Variants in CDC14A observed in about 807,000 individuals in gnomAD.
The protein encoded by CDC14A is cell division cycle 14A, also known as dual specificity protein phosphatase CDC14A.
A neutral mutation model predicts 74.4 loss-of-function variants in CDC14A; 53 were observed. The observed-to-expected ratio is 0.71, with a 90% CI of 0.57 to 0.89. The LOEUF (loss-of-function observed/expected upper bound fraction) is 0.89. Among genes scored for constraint, CDC14A ranks in the 40% least tolerant of loss-of-function variants. CDC14A has a pLI of 0.00. For synonymous variants in CDC14A, 247 were observed against 258.4 expected, an observed-to-expected ratio of 0.96 and a Z score of 0.43; for missense variants, 646 against 713.7, an observed-to-expected ratio of 0.91 and a Z score of 1.08.
rs61811407 is a variant in CDC14A, at chr1:100,492,881, G to T, written c.1138-1937G>T. Among the ~76,000 whole-genome samples the T allele has an allele frequency of 9.8e-4, 148 of 150,408 alleles. 1 individual carries two copies. Among genetic ancestry groups the T allele is most frequent in the Non-Finnish European group, 1.3e-3 (90 of 67,476 alleles). ...GTGTGTGTATGTGTGTGTGTGTGTG[G>T]GTATGTGTGTGTGTGTGAAGTCCTA... is the stretch of plus-strand genomic sequence containing the variant. On this transcript the variant is annotated intron_variant, in intron 11 of 15. Coordinates refer to ENST00000336454, the MANE Select transcript of CDC14A (RefSeq NM_003672.4).
chr1:100,490,120 G>A (rs140272081), intron 11 of CDC14A, among the ~76,000 whole-genome samples: 16 of 152,260 alleles, frequency 1.1e-4, no homozygotes, highest in African/African-American at 3.6e-4. Flanking sequence ...ATCTGCATTT[G>A]CTAATAAACA....
intron 7 of CDC14A, among the ~76,000 whole-genome samples, chr1:100,454,386 G>A (rs1666463990): frequency 2.0e-5 from 3 of 152,068 alleles, no homozygotes; most frequent in African/African-American, 7.2e-5. Context: ...TGGTGGTAAA[G>A]ACAGCGTAAG....
upstream of CDC14A, chr1:100,351,656 C>A: frequency 1.6e-6 from 2 of 1,258,558 alleles, no homozygotes; most frequent in South Asian, 2.7e-5. Flanking sequence ...GCTCAGCGGT[C>A]TCGCCCCGCC....
Position 100,391,091 on chromosome 1 carries a change from A to T in CDC14A, c.309+267A>T, listed in dbSNP as rs28361214. 17,048 of 438,764 alleles carry T rather than the reference A, an allele frequency of 0.039. 700 individuals are homozygous for T. Among genetic ancestry groups the T allele is most frequent in the African/African-American group, 0.13 (6,202 of 49,604 alleles). 27.2% of individuals were successfully genotyped at this position (438,764 alleles called of 1,614,324 possible). A position where few individuals can be genotyped will look rare whatever the true frequency, so the allele number is the denominator to read the frequency against. On this transcript the variant is annotated intron_variant, in intron 4 of 15. Coordinates refer to ENST00000336454, the MANE Select transcript of CDC14A (RefSeq NM_003672.4). ...GTTATATAGGTATTTTAATAAAAAGAATACCTACCAAGGACATTTCTAGGA... is the reference window on the plus strand; with the variant it reads ...GTTATATAGGTATTTTAATAAAAAGTATACCTACCAAGGACATTTCTAGGA...
At chr1:100,498,886 T>C (rs1481541230) in intron 14 of CDC14A, 43 bp from the exon 15 acceptor site, 11 of 1,574,718 alleles carry the variant, frequency 7.0e-6, no homozygotes, top group Non-Finnish European at 9.5e-6. Flanking sequence ...TGATTGTACA[T>C]TGTTGTCTGT....
intron 4 of CDC14A, among the ~76,000 whole-genome samples, chr1:100,408,507 T>C (rs1277840259): frequency 6.6e-6 from 1 of 152,236 alleles, no homozygotes; most frequent in Non-Finnish European, 1.5e-5. Flanking sequence ...CTTTCCACAA[T>C]GGTTGAACTA....
chr1:100,499,127 C>T lies in CDC14A; in HGVS notation c.1620C>T (p.Ser540=), dbSNP rs1429916367. 1.9e-6 allele frequency: 3 copies of T among 1,614,192 alleles called. No homozygotes were observed. The East Asian group carries it at 6.7e-5, about 36-fold the overall frequency. ...ACAATAATCAGTACAACAGAAGCAG[C>T]AACAGCAACGGGGGCAACCTGAACA... ...ELNNNQYNRS[S]NSNGGNLNSP... is the part of the protein sequence containing the mutation. The change falls in exon 15 of 16, where the codon AGC becomes AGT. Residue 540 remains serine, a synonymous_variant. Transcript: ENST00000336454.
chr1:100,502,427 A>C (rs1648834337), intron 15 of CDC14A, among the ~76,000 whole-genome samples: 1 of 152,222 alleles, frequency 6.6e-6, no homozygotes. Flanking sequence ...CATGCTGTAC[A>C]GGTTTGCAGC....
chr1:100,415,723 T>TA (rs1356261838), intron 4 of CDC14A, among the ~76,000 whole-genome samples: 3 of 152,228 alleles, frequency 2.0e-5, no homozygotes, highest in Non-Finnish European at 4.4e-5. Flanking sequence ...CTGAATATAA[T>TA]ACAAGTTTTA....
intron 15 of CDC14A, chr1:100,499,500 ACTC>A (rs1254620885): frequency 1.5e-6 from 2 of 1,301,440 alleles, no homozygotes; most frequent in Non-Finnish European, 2.0e-6. Flanking sequence ...CTTACCCCCA[ACTC>A]CTTTTTAAGT....
At chr1:100,494,740 A>G in intron 11 of CDC14A, 78 bp from the exon 12 acceptor site, 1 of 683,884 alleles carries the variant, frequency 1.5e-6, no homozygotes, top group East Asian at 2.7e-5. Flanking sequence ...TATAAAATGT[A>G]TCTATATATG....
At chr1:100,485,527 C>A (rs1231685793) in intron 11 of CDC14A, among the ~76,000 whole-genome samples, 1 of 151,992 alleles carries the variant, frequency 6.6e-6, no homozygotes, top group Admixed American at 6.6e-5. Flanking sequence ...GGCGTCACTG[C>A]ACTCTATCCT....
At position 100,420,016 on chromosome 1, in the gene CDC14A, A is replaced by G. The variant is rs554182269; in HGVS notation, c.310-4206A>G. On this transcript the variant is annotated intron_variant, in intron 4 of 15. Transcript: ENST00000336454. ...CTTTTAAATATATATATATATACAT[A>G]TATATATACATATATACACACACAC... 4.4e-3 allele frequency among the ~76,000 whole-genome samples: 318 copies of G among 72,252 alleles called. 6 individuals carry two copies. Among genetic ancestry groups the G allele is most frequent in the African/African-American group, 0.022 (296 of 13,592 alleles). 47.4% of individuals were successfully genotyped at this position (72,252 alleles called of 152,430 possible).
intron 2 of CDC14A, among the ~76,000 whole-genome samples, chr1:100,371,458 T>G (rs1244275728): frequency 6.6e-6 from 1 of 152,238 alleles, no homozygotes; most frequent in East Asian, 1.9e-4. Context: ...CTTATTATTT[T>G]GGGGTATGTT....
chr1:100,512,380 CATT>C (rs1649853671), intron 15 of CDC14A, among the ~76,000 whole-genome samples: 1 of 152,130 alleles, frequency 6.6e-6, no homozygotes. Flanking sequence ...GCCTGGGTCT[CATT>C]GTTAGCATAT....
rs567624522 is a variant in CDC14A, at chr1:100,421,001, A to G, written c.310-3221A>G. Among the ~76,000 whole-genome samples the G allele has an allele frequency of 5.9e-5, 9 of 152,308 alleles. No homozygotes were observed. In the East Asian group the frequency reaches 1.7e-3, roughly 29 times the overall value. ...CCTGCTCAGTTAAAAATAAAAGTAT[A>G]TGTTAAATGCTATATTATTAATATG... is the stretch of plus-strand genomic sequence containing the variant. On this transcript the variant is annotated intron_variant, in intron 4 of 15. Transcript: ENST00000336454.
intron 15 of CDC14A, among the ~76,000 whole-genome samples, chr1:100,500,959 C>T (rs963730905): frequency 6.6e-6 from 1 of 151,776 alleles, no homozygotes; most frequent in African/African-American, 2.4e-5. Context: ...CTAAGAGGAG[C>T]CTGGCATATC....
At chr1:100,395,798 C>T (rs185030226) in intron 4 of CDC14A, among the ~76,000 whole-genome samples, 1 of 152,292 alleles carries the variant, frequency 6.6e-6, no homozygotes, top group East Asian at 1.9e-4. Flanking sequence ...GGTCTCCTTG[C>T]TCAAGTTGCT....
At chr1:100,412,861 G>A (rs1661056337) in intron 4 of CDC14A, among the ~76,000 whole-genome samples, 1 of 145,886 alleles carries the variant, frequency 6.9e-6, no homozygotes, top group Non-Finnish European at 1.5e-5. Flanking sequence ...TCTGCTGTTT[G>A]TGGAAGTTAG....
Sources: allele counts gnomAD v4.1 joint callset (sites outside exome capture counted in the v4.1 genomes callset), GRCh38; gene constraint gnomAD v4.1.1; transcripts MANE v1.5; gene names NCBI Gene and HGNC (gene_info 2026-07-23, HGNC 2026-07-21).